Variants in GRM3 observed in about 807,000 individuals in gnomAD.
The protein encoded by GRM3 is glutamate metabotropic receptor 3, also known as metabotropic glutamate receptor 3.
Under a neutral mutation model 70.5 loss-of-function variants are expected in GRM3, and 26 were observed. The ratio of observed to expected loss-of-function variants is 0.37; its 90% CI spans 0.27 to 0.51. GRM3 has a LOEUF of 0.51. Among genes scored for constraint, GRM3 ranks in the 20% least tolerant of loss-of-function variants. GRM3 has a pLI of 0.93. For synonymous variants in GRM3, 443 were observed against 434.9 expected (o/e 1.02, Z -0.23); for missense variants, 859 against 1,123.8 (o/e 0.76, Z 3.37).
intron 1 of GRM3, among the ~76,000 whole-genome samples, chr7:86,660,878 C>A (rs1386651947): frequency 1.3e-5 from 2 of 151,888 alleles, no homozygotes; most frequent in Non-Finnish European, 2.9e-5. Context: ...TTTAGCCATG[C>A]CATTTTTGAT....
At chr7:86,729,546 A>G (rs1661510561) in intron 1 of GRM3, among the ~76,000 whole-genome samples, 1 of 152,200 alleles carries the variant, frequency 6.6e-6, no homozygotes, top group South Asian at 2.1e-4. Context: ...TAACTTTACC[A>G]TTTTTCATTA....
intron 1 of GRM3, among the ~76,000 whole-genome samples, chr7:86,660,807 T>C (rs569690642): frequency 1.3e-5 from 2 of 152,150 alleles, no homozygotes; most frequent in South Asian, 4.1e-4. Flanking sequence ...TACACATATA[T>C]ACTATTTCAG....
chr7:86,767,612 C>T (rs1796640000), intron 2 of GRM3, among the ~76,000 whole-genome samples: 2 of 146,028 alleles, frequency 1.4e-5, no homozygotes, highest in Admixed American at 1.4e-4. Context: ...TGCCATACTT[C>T]AATCATAATT....
intron 1 of GRM3, among the ~76,000 whole-genome samples, chr7:86,743,136 A>T (rs950357753): frequency 1.3e-5 from 2 of 152,192 alleles, no homozygotes; most frequent in Non-Finnish European, 2.9e-5. Context: ...CTCTTTGAAG[A>T]TGAAAACTAT....
chr7:86,770,555 G>A (rs1274923492), intron 2 of GRM3, among the ~76,000 whole-genome samples: 4 of 152,046 alleles, frequency 2.6e-5, no homozygotes, highest in Admixed American at 2.0e-4. Context: ...ATGGGGAAGA[G>A]GGAAGAGCAT....
intron 2 of GRM3, among the ~76,000 whole-genome samples, chr7:86,783,770 T>A (rs908586255): frequency 6.6e-6 from 1 of 152,246 alleles, no homozygotes; most frequent in Non-Finnish European, 1.5e-5. Flanking sequence ...ATTACTTCAA[T>A]ACTTCACTCC....
intron 2 of GRM3, among the ~76,000 whole-genome samples, chr7:86,766,754 G>C (rs999025052): frequency 1.3e-5 from 2 of 152,116 alleles, no homozygotes; most frequent in African/African-American, 2.4e-5. Context: ...GATTCTAAGA[G>C]TCATACACTT....
chr7:86,783,312 T>C (rs1264416746), intron 2 of GRM3, among the ~76,000 whole-genome samples: 2 of 152,154 alleles, frequency 1.3e-5, no homozygotes, highest in Admixed American at 6.5e-5. Context: ...CAGTAGAAGG[T>C]AGAGAGGAAG....
chr7:86,856,525 T>C (rs1798850710), intron 5 of GRM3, among the ~76,000 whole-genome samples: 1 of 151,842 alleles, frequency 6.6e-6, no homozygotes, highest in South Asian at 2.1e-4. Context: ...ACTTGAAATC[T>C]GTGCAGCAAA....
intron 3 of GRM3, among the ~76,000 whole-genome samples, chr7:86,809,557 A>C (rs1363035225): frequency 6.6e-6 from 1 of 152,036 alleles, no homozygotes; most frequent in Non-Finnish European, 1.5e-5. Context: ...AAGGTGGCCT[A>C]CTTCTTTCCC....
chr7:86,649,495 T>G (rs1793555681), intron 1 of GRM3, among the ~76,000 whole-genome samples: 2 of 152,118 alleles, frequency 1.3e-5, no homozygotes, highest in African/African-American at 4.8e-5. Flanking sequence ...AAGCCATATA[T>G]AGAGAAGGCA....
intron 1 of GRM3, among the ~76,000 whole-genome samples, chr7:86,741,830 T>C (rs938052864): frequency 2.6e-5 from 4 of 152,202 alleles, no homozygotes; most frequent in African/African-American, 7.2e-5. Flanking sequence ...GTACCTAGCA[T>C]TGATATTTTA....
At chr7:86,857,130 GGTT>G (rs1798865321) in intron 5 of GRM3, among the ~76,000 whole-genome samples, 1 of 140,540 alleles carries the variant, frequency 7.1e-6, no homozygotes, top group Admixed American at 6.8e-5. Flanking sequence ...CAAATTCAAT[GGTT>G]TTTTTTTTTT....
At chr7:86,802,936 G>C (rs920723264) in intron 3 of GRM3, among the ~76,000 whole-genome samples, 2 of 152,132 alleles carry the variant, frequency 1.3e-5, no homozygotes, top group African/African-American at 4.8e-5. Context: ...TCATAAGTTA[G>C]AGCATCTTCA....
intron 1 of GRM3, among the ~76,000 whole-genome samples, chr7:86,685,878 C>T (rs900788029): frequency 1.3e-5 from 2 of 148,206 alleles, no homozygotes; most frequent in Non-Finnish European, 3.0e-5. Context: ...GCACTCTTAG[C>T]CTGGGCAACA....
At position 86,713,567 on chromosome 7, in the gene GRM3, AC is replaced by A. The variant is rs1007596378; in HGVS notation, c.-140-51433del. Among the ~76,000 whole-genome samples, 4 of 151,610 alleles carry A rather than the reference AC, an allele frequency of 2.6e-5. No homozygotes were observed. In the South Asian group the frequency reaches 8.3e-4, roughly 32 times the overall value. ...TGACACAACCTCCAGGCCCCTCCCT[AC>A]CCCCCGTCAAACCTCACCTATCCTT... On this transcript the variant is annotated intron_variant, in intron 1 of 5. Coordinates refer to ENST00000361669, the MANE Select transcript of GRM3 (RefSeq NM_000840.3).
At chr7:86,768,556 AT>A (rs779044237) in intron 2 of GRM3, among the ~76,000 whole-genome samples, 3 of 152,218 alleles carry the variant, frequency 2.0e-5, no homozygotes, top group Non-Finnish European at 4.4e-5. Flanking sequence ...AAAGTAAGAA[AT>A]GACCTTTAGA....
chr7:86,753,237 A>T (rs1262838674), intron 1 of GRM3, among the ~76,000 whole-genome samples: 1 of 152,130 alleles, frequency 6.6e-6, no homozygotes, highest in Non-Finnish European at 1.5e-5. Context: ...AACAATTTTA[A>T]TAATAGCTAA....
intron 1 of GRM3, among the ~76,000 whole-genome samples, chr7:86,678,192 A>G (rs1178006256): frequency 5.3e-5 from 8 of 151,904 alleles, no homozygotes; most frequent in Non-Finnish European, 1.2e-4. Flanking sequence ...TATTCTTTAC[A>G]CTCTGATATC....
Sources: allele counts gnomAD v4.1 joint callset (sites outside exome capture counted in the v4.1 genomes callset), GRCh38; gene constraint gnomAD v4.1.1; transcripts MANE v1.5; gene names NCBI Gene and HGNC (gene_info 2026-07-23, HGNC 2026-07-21).